RAB7A: variants seen among roughly 807,000 people sequenced by gnomAD.
RAB7A encodes ras-related protein Rab-7a.
A neutral mutation model predicts 24.5 loss-of-function variants in RAB7A; 2 were observed. The observed-to-expected ratio is 0.08, with a 90% CI of 0.03 to 0.26. RAB7A has a LOEUF of 0.26. RAB7A is among the 10% of genes least tolerant of loss of function. The pLI is 1.00. For missense variants in RAB7A, 118 were observed against 255.7 expected (o/e 0.46, Z 3.67); for synonymous variants, 100 against 95.9 (o/e 1.04, Z -0.25).
chr3:128,741,023 TAATA>T (rs1469490966), intron 1 of RAB7A, among the ~76,000 whole-genome samples: 2 of 151,834 alleles, frequency 1.3e-5, no homozygotes, highest in African/African-American at 4.8e-5. Flanking sequence ...TATAATTGTA[TAATA>T]AATGTAGAAA....
intron 2 of RAB7A, 32 bp from the exon 3 acceptor site, chr3:128,797,911 G>T: frequency 1.2e-6 from 2 of 1,610,192 alleles, no homozygotes; most frequent in South Asian, 2.2e-5. Context: ...CCTCCTATTT[G>T]ACTTATACTT....
At chr3:128,798,820 T>TAAAAAAA (rs150137763) in intron 3 of RAB7A, 2 of 166,136 alleles carry the variant, frequency 1.2e-5, no homozygotes, top group African/African-American at 7.8e-5. Context: ...GTCTCTAAAT[T>TAAAAAAA]TAAAAAAAAA....
At chr3:128,798,305 A>T (rs1933617627) in intron 3 of RAB7A, 1 of 456,752 alleles carries the variant, frequency 2.2e-6, no homozygotes, top group Non-Finnish European at 3.9e-6. Context: ...TTCTTCTTAA[A>T]AAAAAACTCA....
chr3:128,743,987 C>A (rs961903349), intron 1 of RAB7A, among the ~76,000 whole-genome samples: 3 of 151,906 alleles, frequency 2.0e-5, no homozygotes, highest in African/African-American at 7.3e-5. Context: ...CGGGGTTTCA[C>A]CATGTTGGCC....
chr3:128,741,060 T>C (rs957957802), intron 1 of RAB7A, among the ~76,000 whole-genome samples: 1 of 151,956 alleles, frequency 6.6e-6, no homozygotes, highest in Non-Finnish European at 1.5e-5. Flanking sequence ...CATTTTTTTA[T>C]ATATACTTAA....
At chr3:128,758,029 T>C (rs967576075) in intron 1 of RAB7A, among the ~76,000 whole-genome samples, 2 of 151,310 alleles carry the variant, frequency 1.3e-5, no homozygotes, top group Non-Finnish European at 2.9e-5. Flanking sequence ...GTGGTGCGAT[T>C]GTAGCTCACT....
chr3:128,794,596 A>G (rs1933527380), intron 1 of RAB7A, among the ~76,000 whole-genome samples: 1 of 150,438 alleles, frequency 6.6e-6, no homozygotes, highest in Admixed American at 6.6e-5. Flanking sequence ...TACCCTGGCA[A>G]ATGAGAGGCA....
At chr3:128,807,700 T>A (rs1235351689) in intron 5 of RAB7A, 29 bp downstream of exon 5, 1 of 1,613,792 alleles carries the variant, frequency 6.2e-7, no homozygotes. Flanking sequence ...ACCAGCCCAC[T>A]CTGGTGATGC....
At chr3:128,751,259 G>A (rs545045398) in intron 1 of RAB7A, among the ~76,000 whole-genome samples, 1 of 152,282 alleles carries the variant, frequency 6.6e-6, no homozygotes, top group African/African-American at 2.4e-5. Flanking sequence ...CCCCAGAATA[G>A]TAGATGCACC....
At chr3:128,746,751 G>A (rs911875021) in intron 1 of RAB7A, among the ~76,000 whole-genome samples, 2 of 151,566 alleles carry the variant, frequency 1.3e-5, no homozygotes, top group Middle Eastern at 3.4e-3. Context: ...GGGTGGTCTC[G>A]ATCTCTTAAC....
intron 1 of RAB7A, among the ~76,000 whole-genome samples, chr3:128,745,460 T>A (rs972002399): frequency 6.6e-6 from 1 of 152,132 alleles, no homozygotes; most frequent in African/African-American, 2.4e-5. Context: ...GCCTCCCTGG[T>A]TCAAGCAGTT....
intron 1 of RAB7A, among the ~76,000 whole-genome samples, chr3:128,726,912 T>C (rs941004426): frequency 6.6e-6 from 1 of 152,242 alleles, no homozygotes; most frequent in Non-Finnish European, 1.5e-5. Context: ...TCGACACTTG[T>C]GTACATTGAG....
In RAB7A at chr3:128,773,505, C is replaced by A. The variant is rs561618051; in HGVS notation, c.-8-21855C>A. 4.3e-5 allele frequency among the ~76,000 whole-genome samples: 6 copies of A among 138,804 alleles called. No homozygotes were observed. The South Asian group carries it at 1.4e-3, about 32-fold the overall frequency. 91.1% of individuals were successfully genotyped at this position (138,804 alleles called of 152,430 possible). A position where few individuals can be genotyped will look rare whatever the true frequency, so the allele number is the denominator to read the frequency against. On this transcript the variant is annotated intron_variant, in intron 1 of 5. Transcript: ENST00000265062. ...CCCCCGCCCAGCAAGCCGACCCGTC[C>A]GGGAGGTGGGGGGCACCTCTGCCCG...
chr3:128,758,951 T>C (rs1179824676), intron 1 of RAB7A, among the ~76,000 whole-genome samples: 2 of 152,238 alleles, frequency 1.3e-5, no homozygotes, highest in Non-Finnish European at 2.9e-5. Context: ...CTTACTGTTC[T>C]AATGCTACTC....
intron 1 of RAB7A, among the ~76,000 whole-genome samples, chr3:128,746,600 C>G (rs895880035): frequency 3.3e-5 from 5 of 152,000 alleles, no homozygotes; most frequent in African/African-American, 1.2e-4. Flanking sequence ...GCAATCTTGG[C>G]TCACTGCAAG....
chr3:128,807,775 T>C, intron 5 of RAB7A, 104 bp downstream of exon 5: 1 of 1,520,138 alleles, frequency 6.6e-7, no homozygotes, highest in Non-Finnish European at 9.1e-7. Flanking sequence ...CCCACTCTTT[T>C]CTGTATAGCC....
intron 2 of RAB7A, among the ~76,000 whole-genome samples, 166 bp downstream of exon 2, chr3:128,795,586 T>G (rs1933549317): frequency 6.6e-6 from 1 of 151,924 alleles, no homozygotes; most frequent in African/African-American, 2.4e-5. Context: ...TTATATAACC[T>G]TTTGTTCTCT....
intron 1 of RAB7A, among the ~76,000 whole-genome samples, chr3:128,771,688 G>A (rs775411935): frequency 2.5e-4 from 38 of 152,296 alleles, no homozygotes; most frequent in South Asian, 6.2e-4. Flanking sequence ...ATATTAAGTC[G>A]GTGCAATAGT....
chr3:128,807,958 C>T (rs1933841623), intron 5 of RAB7A, among the ~76,000 whole-genome samples: 1 of 152,202 alleles, frequency 6.6e-6, no homozygotes, highest in African/African-American at 2.4e-5. Context: ...GATCAGGTCA[C>T]TGGGAGACCC....
Sources: allele counts gnomAD v4.1 joint callset (sites outside exome capture counted in the v4.1 genomes callset), GRCh38; gene constraint gnomAD v4.1.1; transcripts MANE v1.5; gene names NCBI Gene and HGNC (gene_info 2026-07-23, HGNC 2026-07-21).